FGR: variants seen among roughly 807,000 people sequenced by gnomAD.
The protein encoded by FGR is tyrosine-protein kinase Fgr.
A neutral mutation model predicts 63.2 loss-of-function variants in FGR; 26 were observed. The observed-to-expected ratio is 0.41, with a 90% CI of 0.30 to 0.57. The LOEUF is 0.57. FGR is among the 20% of genes least tolerant of loss of function. FGR has a pLI of 0.27. For missense variants in FGR, 511 were observed against 690.8 expected (o/e 0.74, Z 2.92); for synonymous variants, 286 against 277.7 (o/e 1.03, Z -0.30).
At chr1:27,618,427 G>A (rs748831309) in intron 5 of FGR, among the ~76,000 whole-genome samples, 3 of 152,070 alleles carry the variant, frequency 2.0e-5, no homozygotes, top group Non-Finnish European at 2.9e-5. Flanking sequence ...AGACAGTCAG[G>A]GCAGCAGTTG....
At position 27,612,848 on chromosome 1, in the gene FGR, A is replaced by G; in HGVS notation, c.*66T>C. ...TTCTAAGCCAGCCTGGGGGCTTTGG[A>G]AGAACAGCTCTGGGGATTGGCAAGG... On this transcript the variant is annotated 3_prime_UTR_variant, in exon 13 of 13. Transcript: ENST00000374005. 2 of 1,488,176 alleles carry G rather than the reference A, an allele frequency of 1.3e-6. No homozygotes were observed. The highest frequency in any genetic ancestry group is 1.4e-5 in the African/African-American group (1 of 72,580). The allele number at this position is 1,488,176 out of a possible 1,614,324, so 92.2% of individuals were successfully genotyped here.
At chr1:27,622,866 C>T (rs914358585) in intron 4 of FGR, among the ~76,000 whole-genome samples, 176 bp downstream of exon 4, 1 of 152,192 alleles carries the variant, frequency 6.6e-6, no homozygotes, top group Non-Finnish European at 1.5e-5. Flanking sequence ...GGTGCAGTGG[C>T]CCAACACCAC....
intron 1 of FGR, among the ~76,000 whole-genome samples, chr1:27,627,003 T>TA (rs112735579): frequency 0.12 from 18,008 of 150,526 alleles, 2,532 homozygotes; most frequent in African/African-American, 0.34. Context: ...CCCGTCTCTA[T>TA]AAAAAAAAAT....
chr1:27,613,982 G>A (rs954455134), intron 11 of FGR, among the ~76,000 whole-genome samples: 3 of 152,176 alleles, frequency 2.0e-5, no homozygotes, highest in African/African-American at 7.2e-5. Flanking sequence ...CCATGAGATA[G>A]AGACTCATTT....
intron 1 of FGR, among the ~76,000 whole-genome samples, chr1:27,626,747 C>T (rs943887586): frequency 5.9e-5 from 9 of 152,228 alleles, no homozygotes; most frequent in Admixed American, 2.0e-4. Flanking sequence ...GTGTCTAAAA[C>T]GCCCCAGGAT....
At chr1:27,613,829 G>A (rs1357454363) in intron 11 of FGR, among the ~76,000 whole-genome samples, 1 of 152,026 alleles carries the variant, frequency 6.6e-6, no homozygotes, top group Non-Finnish European at 1.5e-5. Flanking sequence ...CCTACTATGT[G>A]TCTAGTATAG....
Position 27,621,550 on chromosome 1 carries a change from C to T in FGR, c.428+9G>A, listed in dbSNP as rs1189442298. On this transcript the variant is annotated intron_variant, in intron 5 of 12. Transcript: ENST00000374005. ...CCATAGGGCTGGTCTTGCCCCAATC[C>T]CTACTTACTCTTCAGCTTGGATTGA... 4 of 1,610,498 alleles carry T rather than the reference C, an allele frequency of 2.5e-6. No individual in the cohort carries two copies. The highest frequency in any genetic ancestry group is 3.4e-6 in the Non-Finnish European group (4 of 1,176,912).
chr1:27,623,269 A>G, intron 3 of FGR, 125 bp from the exon 4 acceptor site: 1 of 698,892 alleles, frequency 1.4e-6, no homozygotes, highest in Non-Finnish European at 2.5e-6. Context: ...TCTGGTTCCC[A>G]AAGGCCTTTG....
In FGR at chr1:27,623,470, G is replaced by A. The variant is rs997794231; in HGVS notation, c.226+221C>T. ...TCACTTGCATCTGTCACAGGATCCT[G>A]CCCCTCTCAGACTGGGAGTAGAGCT... On this transcript the variant is annotated intron_variant, in intron 3 of 12. Coordinates refer to ENST00000374005, the MANE Select transcript of FGR (RefSeq NM_005248.3). The A allele has an allele frequency of 1.4e-5, 9 of 624,914 alleles. No individual in the cohort carries two copies. The African/African-American group carries it at 1.6e-4, about 11-fold the overall frequency. 38.7% of individuals were successfully genotyped at this position (624,914 alleles called of 1,614,324 possible).
intron 2 of FGR, 140 bp from the exon 3 acceptor site, chr1:27,624,069 G>A: frequency 1.5e-6 from 1 of 662,742 alleles, no homozygotes; most frequent in South Asian, 2.0e-5. Context: ...TCCCTGTAAG[G>A]GATAAAGGCG....
At chr1:27,631,378 G>A (rs908324541) in intron 1 of FGR, among the ~76,000 whole-genome samples, 8 of 152,064 alleles carry the variant, frequency 5.3e-5, no homozygotes, top group South Asian at 2.1e-4. Flanking sequence ...CCTTTTTCGA[G>A]GCCCACACTT....
chr1:27,615,066 C>A lies in FGR; in HGVS notation c.1019-140G>T. 1 of 687,582 alleles carries A rather than the reference C, an allele frequency of 1.5e-6. No individual in the cohort carries two copies. Among genetic ancestry groups the A allele is most frequent in the South Asian group, 1.7e-5 (1 of 59,186 alleles). 42.6% of individuals were successfully genotyped at this position (687,582 alleles called of 1,614,324 possible). On this transcript the variant is annotated intron_variant, in intron 9 of 12. Transcript: ENST00000374005. The surrounding 1 kb of genome is among the most constrained non-coding windows in gnomAD (Gnocchi z 7.6). ...ACCCCGCGGGTGCCTCAACCCCTCA[C>A]TTGTCTCGTCCTGGCCCTGCTGCCA...
At chr1:27,618,806 T>G (rs1194304446) in intron 5 of FGR, among the ~76,000 whole-genome samples, 1 of 152,206 alleles carries the variant, frequency 6.6e-6, no homozygotes, top group Admixed American at 6.5e-5. Context: ...CTAAGTTCCA[T>G]CTTGCCGTCA....
In FGR at chr1:27,613,221, G is replaced by A. The variant is rs765075016; in HGVS notation, c.1379C>T (p.Pro460Leu). 1.5e-5 allele frequency: 25 copies of A among 1,613,396 alleles called. No homozygotes were observed. The highest frequency in any genetic ancestry group is 3.4e-6 in the Non-Finnish European group (4 of 1,179,454). ...ELITKGRIPYPGMNKREVLEQ... is the reference protein window; with the variant it reads ...ELITKGRIPYLGMNKREVLEQ... ...GCCCTACCCCTGGCGAGGCAAACCTGGGTAGGGGATTCGGCCCTTGGTGAT... is the reference window on the plus strand; with the variant it reads ...GCCCTACCCCTGGCGAGGCAAACCTAGGTAGGGGATTCGGCCCTTGGTGAT... Residue 460 changes from proline to leucine, a missense_variant and splice_region_variant, in exon 12 of 13, where the codon CCA (proline) becomes CTA (leucine). Pro to Leu is a moderately conservative substitution (Grantham distance 98). Transcript: ENST00000374005.
chr1:27,614,315 C>G (rs2089755837), intron 11 of FGR, 115 bp downstream of exon 11: 4 of 1,212,718 alleles, frequency 3.3e-6, no homozygotes, highest in Non-Finnish European at 4.5e-6. Context: ...CATACTACAT[C>G]AGGATGGGGC....
chr1:27,624,317 C>T (rs377494991), intron 2 of FGR, among the ~76,000 whole-genome samples: 5 of 152,210 alleles, frequency 3.3e-5, no homozygotes, highest in Non-Finnish European at 5.9e-5. Context: ...CTTGCTGCAG[C>T]CTTGATCTCC....
chr1:27,619,123 C>T lies in FGR; in HGVS notation c.429-1827G>A, dbSNP rs577889535. On this transcript the variant is annotated intron_variant, in intron 5 of 12. Coordinates refer to ENST00000374005, the MANE Select transcript of FGR (RefSeq NM_005248.3). ...GGGCAGCTTTCCCCAAAGTGGGGTC[C>T]TAGGGCCAACCTTTTGCACTCTCCA... Among the ~76,000 whole-genome samples, 4 of 152,346 alleles carry T rather than the reference C, an allele frequency of 2.6e-5. No individual in the cohort carries two copies. The South Asian group carries it at 8.3e-4, about 32-fold the overall frequency.
In FGR at chr1:27,622,896, G is replaced by GTT. The variant is rs2089956884; in HGVS notation, c.329+144_329+145dup. 3.8e-5 allele frequency: 24 copies of GTT among 634,482 alleles called. No individual in the cohort carries two copies. The South Asian group carries it at 4.3e-4, about 11-fold the overall frequency. 39.3% of individuals were successfully genotyped at this position (634,482 alleles called of 1,614,324 possible). On this transcript the variant is annotated intron_variant, in intron 4 of 12. Transcript: ENST00000374005. Reference sequence around the variant, plus strand: ...CACCACCCCCCTCAACCAGCACACAGTTGCAGTCACCCAGGGTTTTTATTG... The same window carrying GTT: ...CACCACCCCCCTCAACCAGCACACAGTTTTGCAGTCACCCAGGGTTTTTATTG...
intron 1 of FGR, among the ~76,000 whole-genome samples, chr1:27,631,623 C>T (rs1295136593): frequency 2.6e-5 from 4 of 152,192 alleles, no homozygotes; most frequent in Non-Finnish European, 5.9e-5. Flanking sequence ...AATGGGGTCA[C>T]ATCACTGAAA....
Sources: allele counts gnomAD v4.1 joint callset (sites outside exome capture counted in the v4.1 genomes callset), GRCh38; gene constraint gnomAD v4.1.1; non-coding constraint Gnocchi (gnomAD v3.1); transcripts MANE v1.5; gene names NCBI Gene and HGNC (gene_info 2026-07-23, HGNC 2026-07-21).